The following METTL21A variants were observed in gnomAD, a reference collection of about 807,000 sequenced individuals.
METTL21A encodes methyltransferase 21A, HSPA lysine, also known as protein N-lysine methyltransferase METTL21A.
METTL21A carries 22 observed loss-of-function variants against 20.9 expected under a neutral mutation model. That is an observed-to-expected ratio of 1.05 (90% confidence interval 0.75 to 1.50). The LOEUF (loss-of-function observed/expected upper bound fraction) is 1.50, where lower values mean the gene tolerates loss of function less well. Ranked by LOEUF, METTL21A falls within the 40% of genes most tolerant of loss-of-function variation. The pLI is 0.00. For synonymous variants in METTL21A, 93 were observed against 102.0 expected (o/e 0.91, Z 0.53); for missense variants, 271 against 266.8 (o/e 1.02, Z -0.11).
At position 207,588,892 on chromosome 2, in the gene METTL21A, G is replaced by GT. The variant is rs1007968392; in HGVS notation, c.260-6733_260-6732insA. On this transcript the variant is annotated intron_variant, in intron 3 of 3. Coordinates refer to the METTL21A transcript ENST00000425132. ...TTATTAGTTCTAGGAGCTTTGTCGG[G>GT]GGGGGTGTAGATTCTTTGGGATTCT... Among the ~76,000 whole-genome samples, 11 of 144,320 alleles carry GT rather than the reference G, an allele frequency of 7.6e-5. 1 individual carries two copies. Among genetic ancestry groups the GT allele is most frequent in the African/African-American group, 2.8e-4 (11 of 39,402 alleles). The allele number at this position is 144,320 out of a possible 152,430, so 94.7% of individuals were successfully genotyped here.
intron 3 of METTL21A, among the ~76,000 whole-genome samples, chr2:207,620,966 A>G (rs545476793): frequency 6.6e-6 from 1 of 152,130 alleles, no homozygotes; most frequent in Non-Finnish European, 1.5e-5. Context: ...TGTCGGCATC[A>G]CTACTGACAT....
intron 2 of METTL21A, among the ~76,000 whole-genome samples, chr2:207,622,926 G>C (rs1286290666): frequency 8.4e-6 from 1 of 118,600 alleles, no homozygotes; most frequent in South Asian, 2.6e-4. Context: ...TTTTTTTTTT[G>C]AGATGTAGTC....
At chr2:207,606,974 G>A (rs1038771618), downstream of METTL21A, among the ~76,000 whole-genome samples, 3 of 151,914 alleles carry the variant, frequency 2.0e-5, no homozygotes, top group South Asian at 2.1e-4. Flanking sequence ...CCATACCTTC[G>A]GCAAGGAGAA....
chr2:207,617,654 A>T (rs1291000838), intron 3 of METTL21A, among the ~76,000 whole-genome samples: 3 of 152,260 alleles, frequency 2.0e-5, no homozygotes, highest in Non-Finnish European at 4.4e-5. Context: ...AGCACAGGTC[A>T]TGCCATCAAT....
intron 1 of METTL21A, 160 bp from the exon 2 acceptor site, chr2:207,624,564 A>C: frequency 1.8e-6 from 1 of 568,002 alleles, no homozygotes; most frequent in Non-Finnish European, 2.9e-6. Context: ...GCTCTTCCGA[A>C]TCTGAGTGAG....
rs751180232 is a variant in METTL21A, at chr2:207,621,937, G to A, written c.148-20C>T. ...GATGGCCTGAATGAAAACACAGTGT[G>A]ATGACGATTAAGGTCAACATGTGCT... On this transcript the variant is annotated intron_variant, in intron 2 of 3. Coordinates refer to ENST00000406927, the Ensembl canonical transcript of METTL21A. The A allele has an allele frequency of 5.6e-6, 9 of 1,604,952 alleles. No homozygotes were observed. The East Asian group carries it at 1.6e-4, about 28-fold the overall frequency.
chr2:207,601,107 CA>C (rs1202785477), intron 3 of METTL21A: 2 of 125,300 alleles, frequency 1.6e-5, no homozygotes, highest in African/African-American at 7.6e-5. Flanking sequence ...CATACCTTTT[CA>C]GTTGTTTTCA....
Position 207,613,150 on chromosome 2 carries a change from C to T in METTL21A, c.553G>A (p.Ala185Thr), listed in dbSNP as rs2089205216. The T allele has an allele frequency of 2.5e-6, 4 of 1,613,792 alleles. No individual in the cohort carries two copies. In the South Asian group the frequency reaches 4.4e-5, roughly 18 times the overall value. The change falls in exon 4 of 4, where the codon GCA becomes ACA. Residue 185 changes from alanine (A) to threonine (T), a missense_variant. Physicochemically the swap from Ala to Thr is moderately conservative, Grantham distance 58 (BLOSUM62 0). Transcript: ENST00000406927. ...ACAGTAAATTGCCTCTCCAGCATTGCTAAGAAGTTGTTATCCCGTTCATAG... is the reference window on the plus strand; with the variant it reads ...ACAGTAAATTGCCTCTCCAGCATTGTTAAGAAGTTGTTATCCCGTTCATAG...
intron 3 of METTL21A, chr2:207,620,880 G>A: frequency 5.7e-6 from 3 of 525,350 alleles, no homozygotes; most frequent in Non-Finnish European, 1.0e-5. Flanking sequence ...TCAAATATCT[G>A]TAGACAATGC....
chr2:207,614,380 CA>C (rs11287948), intron 3 of METTL21A, among the ~76,000 whole-genome samples: 124,319 of 148,058 alleles, frequency 0.84, 51,935 homozygotes, highest in East Asian at 1. Context: ...CACCCAGTCT[CA>C]AAAAAAAAAA....
intron 3 of METTL21A, among the ~76,000 whole-genome samples, chr2:207,593,308 T>A (rs1484424146): frequency 1.3e-5 from 2 of 152,212 alleles, no homozygotes; most frequent in Non-Finnish European, 2.9e-5. Context: ...GGAGGATAGC[T>A]TGAGCCCAGG....
chr2:207,590,228 G>A (rs888819011), intron 3 of METTL21A, among the ~76,000 whole-genome samples: 2 of 151,242 alleles, frequency 1.3e-5, no homozygotes, highest in African/African-American at 2.4e-5. Context: ...TGTTTGTAGT[G>A]TTAGTTTATT....
chr2:207,582,556 T>G (rs1451997965), intron 3 of METTL21A, among the ~76,000 whole-genome samples: 1 of 152,216 alleles, frequency 6.6e-6, no homozygotes, highest in Non-Finnish European at 1.5e-5. Flanking sequence ...TGTGTCCTTT[T>G]GACATGCCCC....
At chr2:207,593,525 A>G (rs2085486157) in intron 3 of METTL21A, among the ~76,000 whole-genome samples, 1 of 152,154 alleles carries the variant, frequency 6.6e-6, no homozygotes, top group Non-Finnish European at 1.5e-5. Context: ...GCAAGACCCC[A>G]TCTCAAAAAT....
Position 207,597,980 on chromosome 2 carries a change from C to T in METTL21A, c.260-15820G>A, listed in dbSNP as rs79271892. The T allele has an allele frequency of 2.5e-3, 463 of 183,328 alleles. 6 individuals are homozygous for T. The Admixed American group carries it at 0.025, about 10-fold the overall frequency. The allele number at this position is 183,328 out of a possible 1,614,324, so 11.4% of individuals were successfully genotyped here. A position where few individuals can be genotyped will look rare whatever the true frequency, so the allele number is the denominator to read the frequency against. ...AAATATTTATATTGTCACTCATTTA[C>T]GTAAAAAGATATTTCTAATTTACTG... On this transcript the variant is annotated intron_variant, in intron 3 of 3. Transcript: ENST00000425132.
At chr2:207,592,450 T>G (rs1460271835) in intron 3 of METTL21A, among the ~76,000 whole-genome samples, 1 of 151,676 alleles carries the variant, frequency 6.6e-6, no homozygotes, top group Non-Finnish European at 1.5e-5. Context: ...ATTTAAATGG[T>G]TTCTGACAAG....
chr2:207,621,731 G>T, intron 3 of METTL21A, 75 bp downstream of exon 3: 1 of 1,318,212 alleles, frequency 7.6e-7, no homozygotes, highest in East Asian at 2.3e-5. Context: ...CCCACGAAGG[G>T]TTTTGCGCTA....
At chr2:207,601,178 A>T (rs1341616474) in intron 3 of METTL21A, 1 of 185,296 alleles carries the variant, frequency 5.4e-6, no homozygotes, top group Non-Finnish European at 1.1e-5. Context: ...TTTTTCCCTC[A>T]TGGACCCAAT....
At chr2:207,596,587 C>T (rs1379698660) in intron 3 of METTL21A, among the ~76,000 whole-genome samples, 1 of 152,216 alleles carries the variant, frequency 6.6e-6, no homozygotes, top group African/African-American at 2.4e-5. Flanking sequence ...GCATGTGCCG[C>T]CACACCCCGC....
Sources: allele counts gnomAD v4.1 joint callset (sites outside exome capture counted in the v4.1 genomes callset), GRCh38; gene constraint gnomAD v4.1.1; transcripts MANE v1.5; gene names NCBI Gene and HGNC (gene_info 2026-07-23, HGNC 2026-07-21).